Variants in POLA1 observed in about 807,000 individuals in gnomAD.
POLA1 encodes the protein DNA polymerase alpha 1, catalytic subunit, also known as DNA polymerase alpha catalytic subunit.
A neutral mutation model predicts 124.0 loss-of-function variants in POLA1; 15 were observed. The ratio of observed to expected loss-of-function variants is 0.12; its 90% CI spans 0.08 to 0.19. The LOEUF (loss-of-function observed/expected upper bound fraction) is 0.19. Ranked by LOEUF, POLA1 falls within the 10% of genes least tolerant of loss-of-function variation. POLA1 has a pLI of 1.00. For synonymous variants in POLA1, 408 were observed against 389.4 expected, an observed-to-expected ratio of 1.05 and a Z score of -0.56; for missense variants, 886 against 1,103.4, an observed-to-expected ratio of 0.80 and a Z score of 2.79.
chrX:24,737,765 A>G (rs1258644045), intron 19 of POLA1, 24 bp downstream of exon 19: 11 of 739,971 alleles, frequency 1.5e-5, no homozygotes, highest in Non-Finnish European at 2.3e-5. Flanking sequence ...TCAAAATCTT[A>G]TTTATCTATT....
intron 34 of POLA1, among the ~76,000 whole-genome samples, chrX:24,847,376 C>T (rs1450376722): frequency 8.9e-6 from 1 of 112,337 alleles, no homozygotes; most frequent in Non-Finnish European, 1.9e-5. Flanking sequence ...AAATACGTTC[C>T]TAAATTTTCA....
At chrX:24,932,164 G>T (rs1443811005) in intron 36 of POLA1, among the ~76,000 whole-genome samples, 2 of 112,863 alleles carry the variant, frequency 1.8e-5, no homozygotes, top group East Asian at 2.8e-4. Context: ...CTCCCAAAGT[G>T]CTGGGATTAC....
intron 35 of POLA1, among the ~76,000 whole-genome samples, 189 bp downstream of exon 35, chrX:24,888,311 C>G (rs988828164): frequency 9.0e-6 from 1 of 111,586 alleles, no homozygotes; most frequent in African/African-American, 3.3e-5. Flanking sequence ...ATGAGCAATA[C>G]TATATTTATA....
chrX:24,802,763 C>T (rs1413855736), intron 26 of POLA1, among the ~76,000 whole-genome samples: 4 of 111,716 alleles, frequency 3.6e-5, no homozygotes, highest in Non-Finnish European at 1.9e-5. Context: ...TTTGGGAAGC[C>T]GAGGAAGGTG....
At chrX:24,783,798 C>T (rs746915880) in intron 26 of POLA1, among the ~76,000 whole-genome samples, 1 of 111,684 alleles carries the variant, frequency 9.0e-6, no homozygotes, top group African/African-American at 3.3e-5. Context: ...ATGGTAGCCA[C>T]TAGCCACAGG....
chrX:24,942,209 A>G (rs1172748289), intron 36 of POLA1, among the ~76,000 whole-genome samples: 3 of 112,368 alleles, frequency 2.7e-5, no homozygotes, highest in Non-Finnish European at 1.9e-5. Flanking sequence ...ATTCCATTGT[A>G]TACGGATATG....
intron 34 of POLA1, among the ~76,000 whole-genome samples, chrX:24,877,990 G>T (rs1428544477): frequency 9.3e-6 from 1 of 107,610 alleles, no homozygotes. Flanking sequence ...TGTGAAAGTG[G>T]CATGAAAGCA....
Position 24,919,536 on chromosome X carries a change from G to T in POLA1, c.4165-10917G>T, listed in dbSNP as rs559475562. On this transcript the variant is annotated intron_variant, in intron 35 of 36. Coordinates refer to ENST00000379068, the MANE Select transcript of POLA1 (RefSeq NM_001330360.2). ...AACTGAGAAAGCCTCTTGATGTTCT[G>T]TTAGGAATTTCTAAAGGCAAATGAA... Among the ~76,000 whole-genome samples the T allele has an allele frequency of 2.1e-4, 23 of 111,605 alleles. No individual in the cohort carries two copies. The South Asian group carries it at 8.6e-3, about 42-fold the overall frequency.
intron 25 of POLA1, 139 bp from the exon 26 acceptor site, chrX:24,748,731 T>C: frequency 1.5e-6 from 1 of 645,854 alleles, no homozygotes; most frequent in Non-Finnish European, 2.3e-6. Context: ...TCCAGGAGAA[T>C]GGGTTGAGTA....
chrX:24,988,587 A>C (rs1417362796), intron 36 of POLA1, among the ~76,000 whole-genome samples: 1 of 112,522 alleles, frequency 8.9e-6, no homozygotes, highest in Non-Finnish European at 1.9e-5. Context: ...TGGATATTGC[A>C]TGTCACCACA....
At chrX:24,969,028 G>T (rs2048265596) in intron 36 of POLA1, among the ~76,000 whole-genome samples, 1 of 110,660 alleles carries the variant, frequency 9.0e-6, no homozygotes, top group Non-Finnish European at 1.9e-5. Context: ...CCAACATAGT[G>T]AAACCCCATC....
At chrX:24,788,824 G>A (rs374391679) in intron 26 of POLA1, 75 of 1,191,017 alleles carry the variant, frequency 6.3e-5, no homozygotes, top group Non-Finnish European at 7.9e-5. Flanking sequence ...CTTCCACATC[G>A]GCAGGACCAT....
chrX:24,738,424 G>A (rs1257158494), intron 19 of POLA1, among the ~76,000 whole-genome samples: 1 of 110,882 alleles, frequency 9.0e-6, no homozygotes, highest in Non-Finnish European at 1.9e-5. Flanking sequence ...TGAATGGAAG[G>A]GAGTTGATGT....
chrX:24,943,498 ATT>A (rs2047929805), intron 36 of POLA1, among the ~76,000 whole-genome samples: 1 of 112,289 alleles, frequency 8.9e-6, no homozygotes, highest in African/African-American at 3.2e-5. Context: ...TTACTGGTAT[ATT>A]ATATATTGCC....
chrX:24,852,781 C>G (rs1455936917), intron 34 of POLA1, among the ~76,000 whole-genome samples: 1 of 111,584 alleles, frequency 9.0e-6, no homozygotes, highest in Non-Finnish European at 1.9e-5. Context: ...CCCGGAAGAT[C>G]CTTGGCCTCA....
At chrX:24,768,525 A>G (rs35622431) in intron 26 of POLA1, among the ~76,000 whole-genome samples, 330 of 112,473 alleles carry the variant, frequency 2.9e-3, no homozygotes, top group Admixed American at 4.6e-3. Context: ...AGCAGAATAA[A>G]CAAATAGATA....
chrX:24,989,125 A>G (rs745354319), intron 36 of POLA1, among the ~76,000 whole-genome samples: 4 of 112,116 alleles, frequency 3.6e-5, no homozygotes, highest in African/African-American at 1.3e-4. Flanking sequence ...TTGTGAGGTC[A>G]TCAAAATCAG....
chrX:24,737,998 G>A (rs1199321708), intron 19 of POLA1, among the ~76,000 whole-genome samples: 8 of 98,525 alleles, frequency 8.1e-5, no homozygotes, highest in Non-Finnish European at 1.3e-4. Context: ...TGGATCATGA[G>A]GTCAGGAGAT....
At chrX:24,854,568 C>T (rs991692693) in intron 34 of POLA1, among the ~76,000 whole-genome samples, 17 of 111,757 alleles carry the variant, frequency 1.5e-4, no homozygotes, top group African/African-American at 5.2e-4. Flanking sequence ...TGGTGGCTCA[C>T]GCCTGTAAGC....
Sources: gnomAD v4.1 joint callset for allele counts (sites outside exome capture counted in the v4.1 genomes callset) on GRCh38, gnomAD v4.1.1 for gene constraint, MANE v1.5 for transcripts, NCBI Gene and HGNC (gene_info 2026-07-23, HGNC 2026-07-21) for gene names.